MAML2: variants seen among roughly 807,000 people sequenced by gnomAD.
The protein encoded by MAML2 is mastermind like transcriptional coactivator 2, also known as mastermind-like protein 2.
Under a neutral mutation model 96.1 loss-of-function variants are expected in MAML2, and 22 were observed. That is an observed-to-expected ratio of 0.23 (90% CI 0.16 to 0.33). MAML2 has a LOEUF of 0.33. Ranked by LOEUF, MAML2 falls within the 10% of genes least tolerant of loss-of-function variation. MAML2 has a pLI of 1.00. For synonymous variants in MAML2, 561 were observed against 521.3 expected (o/e 1.08, Z -1.04); for missense variants, 1,367 against 1,392.4 (o/e 0.98, Z 0.29).
chr11:96,235,515 C>A (rs1862355711), intron 1 of MAML2, among the ~76,000 whole-genome samples: 1 of 152,176 alleles, frequency 6.6e-6, no homozygotes, highest in Non-Finnish European at 1.5e-5. Flanking sequence ...ATTTTAGACT[C>A]ACTCCATCCT....
intron 2 of MAML2, among the ~76,000 whole-genome samples, chr11:96,082,292 G>A (rs1414214856): frequency 6.6e-6 from 1 of 152,156 alleles, no homozygotes; most frequent in Non-Finnish European, 1.5e-5. Flanking sequence ...ACAGTTCGGT[G>A]GACCAGAGAC....
intron 2 of MAML2, among the ~76,000 whole-genome samples, chr11:96,059,755 T>G (rs1311613809): frequency 1.7e-4 from 26 of 152,154 alleles, no homozygotes; most frequent in East Asian, 1.9e-4. Flanking sequence ...CATTTTGAAT[T>G]TTGGATTTTT....
intron 1 of MAML2, among the ~76,000 whole-genome samples, chr11:96,229,826 C>T (rs1167798457): frequency 6.6e-6 from 1 of 152,074 alleles, no homozygotes; most frequent in Non-Finnish European, 1.5e-5. Context: ...TCTCACATAA[C>T]ATTCTGTCTT....
At chr11:96,205,756 G>A (rs536089179) in intron 1 of MAML2, among the ~76,000 whole-genome samples, 2 of 152,240 alleles carry the variant, frequency 1.3e-5, no homozygotes, top group African/African-American at 4.8e-5. Context: ...CCTGGCCATC[G>A]GAACCCTTTT....
chr11:95,988,700 T>C (rs1248065506), intron 3 of MAML2, among the ~76,000 whole-genome samples: 7 of 151,834 alleles, frequency 4.6e-5, no homozygotes. Context: ...AGAACTGCCA[T>C]GTTGTTCTTT....
chr11:96,187,328 A>G (rs1861590098), intron 1 of MAML2, among the ~76,000 whole-genome samples: 1 of 152,232 alleles, frequency 6.6e-6, no homozygotes, highest in Non-Finnish European at 1.5e-5. Flanking sequence ...CAAAAGAAAT[A>G]TATTTGGTAT....
Position 95,979,627 on chromosome 11 carries a change from C to G in MAML2, c.2792G>C (p.Gly931Ala). 6.2e-7 allele frequency: 1 copy of G among 1,613,924 alleles called. No individual in the cohort carries two copies. The highest frequency in any genetic ancestry group is 1.1e-5 in the South Asian group (1 of 91,072). ...NVATFGAGSV[G>A]NSQQLRPNLT... Reference sequence around the variant, plus strand: ...ATTTGGTCTCAATTGTTGTGAATTACCAACAGATCCAGCTCCAAAAGTGGC... The same window carrying G: ...ATTTGGTCTCAATTGTTGTGAATTAGCAACAGATCCAGCTCCAAAAGTGGC... Residue 931 changes from glycine to alanine, a missense_variant, in exon 5 of 5, where the codon GGT becomes GCT. Gly to Ala is a moderately conservative substitution (Grantham distance 60). Coordinates refer to ENST00000524717, the MANE Select transcript of MAML2 (RefSeq NM_032427.4).
chr11:96,092,731 G>T lies in MAML2; in HGVS notation c.1300C>A (p.Gln434Lys), dbSNP rs1859746822. ...TTAGCAGCTATCTGTTTGAGCTGCT[G>T]GGCATGGGATACTTCCTGCCAGCTT... is the stretch of plus-strand genomic sequence containing the variant. Reference protein sequence around the residue: ...LPSWQEVSHAQQLKQIAANRQ... With the variant: ...LPSWQEVSHAKQLKQIAANRQ... Residue 434 changes from glutamine (Q) to lysine (K), a missense_variant, in exon 2 of 5, where the codon CAG becomes AAG. Coordinates refer to ENST00000524717, the MANE Select transcript of MAML2 (RefSeq NM_032427.4). This position sits in a 1 kb window ranked among gnomAD's most constrained non-coding sequence, Gnocchi z 4.1. The T allele has an allele frequency of 6.2e-7, 1 of 1,613,840 alleles. No homozygotes were observed. The highest frequency in any genetic ancestry group is 1.3e-5 in the African/African-American group (1 of 74,926).
chr11:96,160,497 G>A (rs996565685), intron 1 of MAML2, among the ~76,000 whole-genome samples: 7 of 150,800 alleles, frequency 4.6e-5, no homozygotes, highest in Middle Eastern at 3.4e-3. Flanking sequence ...GCATGATCTC[G>A]GCTCCCTGTA....
chr11:96,080,628 C>G (rs1324842064), intron 2 of MAML2, among the ~76,000 whole-genome samples: 1 of 152,222 alleles, frequency 6.6e-6, no homozygotes. Flanking sequence ...TCCTACCACA[C>G]AGCATACCCC....
intron 1 of MAML2, among the ~76,000 whole-genome samples, chr11:96,108,231 G>A (rs1336059388): frequency 6.6e-6 from 1 of 152,234 alleles, no homozygotes; most frequent in Non-Finnish European, 1.5e-5. Flanking sequence ...CTTGGTTGGT[G>A]TGTGGGGACC....
chr11:96,019,579 A>G (rs1858404238), intron 2 of MAML2, among the ~76,000 whole-genome samples: 1 of 151,830 alleles, frequency 6.6e-6, no homozygotes, highest in African/African-American at 2.4e-5. Context: ...CTCCTGGCAT[A>G]TCAGATTTTA....
chr11:96,161,749 T>C (rs1306074090), intron 1 of MAML2, among the ~76,000 whole-genome samples: 2 of 152,244 alleles, frequency 1.3e-5, no homozygotes, highest in Non-Finnish European at 2.9e-5. Flanking sequence ...TTGCACAGCA[T>C]CAACATGTCC....
chr11:96,051,625 A>G (rs1858992410), intron 2 of MAML2, among the ~76,000 whole-genome samples: 1 of 152,150 alleles, frequency 6.6e-6, no homozygotes, highest in Non-Finnish European at 1.5e-5. Context: ...ATAGAGGTTC[A>G]CATCAAGGAC....
At chr11:96,023,188 T>C (rs1858462708) in intron 2 of MAML2, among the ~76,000 whole-genome samples, 1 of 152,124 alleles carries the variant, frequency 6.6e-6, no homozygotes, top group Non-Finnish European at 1.5e-5. Context: ...ACAGAAAACT[T>C]GGACCCTCAT....
intron 1 of MAML2, among the ~76,000 whole-genome samples, chr11:96,269,470 T>C (rs1258496518): frequency 1.4e-5 from 2 of 144,636 alleles, no homozygotes; most frequent in African/African-American, 2.7e-5. Context: ...TAAGTATATA[T>C]ATAATCCATT....
At chr11:96,014,847 T>C (rs902058949) in intron 2 of MAML2, among the ~76,000 whole-genome samples, 7 of 152,202 alleles carry the variant, frequency 4.6e-5, no homozygotes. Context: ...TTCCAAATCA[T>C]GGGGTATGCA....
chr11:96,125,638 C>T (rs1289758555), intron 1 of MAML2, among the ~76,000 whole-genome samples: 28 of 152,212 alleles, frequency 1.8e-4, no homozygotes, highest in Middle Eastern at 3.4e-3. Context: ...GTGCCATGAA[C>T]GGTTCGTGTT....
intron 2 of MAML2, among the ~76,000 whole-genome samples, chr11:96,065,418 C>G (rs1859229934): frequency 4.3e-5 from 1 of 23,356 alleles, no homozygotes; most frequent in Admixed American, 3.1e-4. Flanking sequence ...CGTGCATGCA[C>G]ACACACACAC....
Sources: gnomAD v4.1 joint callset for allele counts (sites outside exome capture counted in the v4.1 genomes callset) on GRCh38, gnomAD v4.1.1 for gene constraint, Gnocchi (gnomAD v3.1) non-coding constraint, MANE v1.5 for transcripts, NCBI Gene and HGNC (gene_info 2026-07-23, HGNC 2026-07-21) for gene names.